EPB41L4B: variants seen among roughly 807,000 people sequenced by gnomAD.
EPB41L4B encodes the protein erythrocyte membrane protein band 4.1 like 4B.
EPB41L4B carries 30 observed loss-of-function variants against 112.5 expected under a neutral mutation model. The ratio of observed to expected loss-of-function variants is 0.27; its 90% CI spans 0.20 to 0.36. The LOEUF (loss-of-function observed/expected upper bound fraction) is 0.36, where lower values mean the gene tolerates loss of function less well. EPB41L4B is among the 10% of genes least tolerant of loss of function. The pLI, the probability that EPB41L4B is intolerant of heterozygous loss-of-function variation, is 1.00. For missense variants in EPB41L4B, 1,024 were observed against 1,133.3 expected, an observed-to-expected ratio of 0.90 and a Z score of 1.38; for synonymous variants, 408 against 439.7, an observed-to-expected ratio of 0.93 and a Z score of 0.90.
At position 109,307,295 on chromosome 9, in the gene EPB41L4B, C is replaced by A. The variant is rs745664570; in HGVS notation, c.306+12846G>T. 5 of 467,166 alleles carry A rather than the reference C, an allele frequency of 1.1e-5. No individual in the cohort carries two copies. The Admixed American group carries it at 1.3e-4, about 12-fold the overall frequency. The allele number at this position is 467,166 out of a possible 1,614,324, so 28.9% of individuals were successfully genotyped here. A position where few individuals can be genotyped will look rare whatever the true frequency, so the allele number is the denominator to read the frequency against. ...TCGCTTTTAGAATAAAGCTAAATAC[C>A]TCTGGACTTCAAAGCAAAATAAATC... is the stretch of plus-strand genomic sequence containing the variant. On this transcript the variant is annotated intron_variant, in intron 1 of 25. Transcript: ENST00000374566.
At chr9:109,245,080 T>C (rs1834502490) in intron 14 of EPB41L4B, among the ~76,000 whole-genome samples, 2 of 152,216 alleles carry the variant, frequency 1.3e-5, no homozygotes, top group South Asian at 4.1e-4. Flanking sequence ...AATACCTCAG[T>C]AGCAGGATCT....
chr9:109,174,613 G>A lies in EPB41L4B; in HGVS notation c.2644C>T (p.Leu882Phe), dbSNP rs774477871. 1.9e-6 allele frequency: 3 copies of A among 1,614,032 alleles called. No homozygotes were observed. Among genetic ancestry groups the A allele is most frequent in the South Asian group, 2.2e-5 (2 of 91,068 alleles). The change falls in exon 26 of 26, where the codon CTC (leucine) becomes TTC (phenylalanine). Residue 882 changes from leucine to phenylalanine, a missense_variant. Physicochemically the swap from Leu to Phe is conservative, Grantham distance 22. Transcript: ENST00000374566. ...PVSLAASAETLRQELEREKMM... is the reference protein window; with the variant it reads ...PVSLAASAETFRQELEREKMM... ...TTCTCTCTCTCCAGTTCCTGCCGGA[G>A]TGTCTCTGCACTAAAAAAAAGTATG...
intron 1 of EPB41L4B, among the ~76,000 whole-genome samples, chr9:109,316,447 G>A (rs1837637771): frequency 6.6e-6 from 1 of 152,210 alleles, no homozygotes; most frequent in Non-Finnish European, 1.5e-5. Flanking sequence ...GTCAACAGTG[G>A]GTGCCGCTGC....
chr9:109,192,254 G>A, intron 22 of EPB41L4B, 24 bp downstream of exon 22: 1 of 1,591,136 alleles, frequency 6.3e-7, no homozygotes, highest in East Asian at 2.2e-5. Context: ...GACTTTTCTG[G>A]TTTTAGCAAA....
At position 109,284,237 on chromosome 9, in the gene EPB41L4B, A is replaced by C. The variant is rs573751691; in HGVS notation, c.307-4316T>G. Among the ~76,000 whole-genome samples, 3 of 152,354 alleles carry C rather than the reference A, an allele frequency of 2.0e-5. No homozygotes were observed. In the East Asian group the frequency reaches 5.8e-4, roughly 29 times the overall value. On this transcript the variant is annotated intron_variant, in intron 1 of 25. Coordinates refer to ENST00000374566, the MANE Select transcript of EPB41L4B (RefSeq NM_019114.5). Reference sequence around the variant, plus strand: ...AATATCTCAGGTAATTTATTGAATAATGTACTGAAAGTGAACAACAGAATG... The same window carrying C: ...AATATCTCAGGTAATTTATTGAATACTGTACTGAAAGTGAACAACAGAATG...
At chr9:109,275,848 T>C (rs1835794762) in intron 2 of EPB41L4B, among the ~76,000 whole-genome samples, 1 of 152,024 alleles carries the variant, frequency 6.6e-6, no homozygotes, top group Non-Finnish European at 1.5e-5. Context: ...CTTGCCAAGA[T>C]CTAAGGGCTT....
intron 22 of EPB41L4B, among the ~76,000 whole-genome samples, chr9:109,186,199 C>CTT (rs374188259): frequency 6.9e-6 from 1 of 145,400 alleles, no homozygotes; most frequent in Admixed American, 6.9e-5. Flanking sequence ...TTTCATTTCC[C>CTT]TTTTTTTTTT....
chr9:109,261,927 A>G (rs1340071031), intron 6 of EPB41L4B, among the ~76,000 whole-genome samples: 2 of 152,258 alleles, frequency 1.3e-5, no homozygotes, highest in Non-Finnish European at 1.5e-5. Flanking sequence ...GTCATAATCC[A>G]TAATCCAGTA....
chr9:109,185,818 T>C (rs911522063), intron 22 of EPB41L4B, among the ~76,000 whole-genome samples: 3 of 115,608 alleles, frequency 2.6e-5, no homozygotes, highest in Non-Finnish European at 1.7e-5. Context: ...TCTCTCAGCC[T>C]TCTTTTCTCC....
chr9:109,286,307 T>C (rs1290232650), intron 1 of EPB41L4B, among the ~76,000 whole-genome samples: 1 of 152,004 alleles, frequency 6.6e-6, no homozygotes, highest in Non-Finnish European at 1.5e-5. Context: ...GAAAGAGATG[T>C]TCTGGATGAG....
rs1350150612 is a variant in EPB41L4B at position 109,207,976 on chromosome 9, T to G, written c.1826A>C (p.Lys609Thr). The change falls in exon 18 of 26, where the codon AAG (lysine) becomes ACG (threonine). Residue 609 changes from lysine to threonine, a missense_variant. Lys to Thr is a moderately conservative substitution (Grantham distance 78). Coordinates refer to ENST00000374566, the MANE Select transcript of EPB41L4B (RefSeq NM_019114.5). ...LLPSPVADHVKCNILKAQLEN... is the reference protein window; with the variant it reads ...LLPSPVADHVTCNILKAQLEN... The stretch of plus-strand genomic sequence containing the variant: ...CAACTGGGCTTTCAGAATGTTACAC[T>G]TCACATGATCCGCAACAGGGGAAGG... The G allele has an allele frequency of 6.2e-7, 1 of 1,614,166 alleles. No homozygotes were observed. Among genetic ancestry groups the G allele is most frequent in the South Asian group, 1.1e-5 (1 of 91,072 alleles).
rs1351892763 is a variant in EPB41L4B at position 109,173,797 on chromosome 9, A to G, written c.*757T>C. On this transcript the variant is annotated 3_prime_UTR_variant, in exon 26 of 26. Transcript: ENST00000374566. ...AAGAGCAAAATTTCTTCTGGTCAAG[A>G]TTCTATCAATACGACATGAATCGAT... 3 of 152,622 alleles carry G rather than the reference A, an allele frequency of 2.0e-5. No individual in the cohort carries two copies. Among genetic ancestry groups the G allele is most frequent in the African/African-American group, 7.2e-5 (3 of 41,466 alleles). 9.5% of individuals were successfully genotyped at this position (152,622 alleles called of 1,614,324 possible).
intron 20 of EPB41L4B, among the ~76,000 whole-genome samples, chr9:109,198,256 T>A (rs554415918): frequency 2.0e-5 from 3 of 152,172 alleles, no homozygotes; most frequent in Non-Finnish European, 4.4e-5. Context: ...CATTTTGCAC[T>A]CTGGGTACCC....
chr9:109,219,916 G>A (rs759875005), intron 15 of EPB41L4B, among the ~76,000 whole-genome samples: 8 of 151,972 alleles, frequency 5.3e-5, no homozygotes, highest in African/African-American at 1.2e-4. Context: ...CATCTTTTTT[G>A]GACACAGAGA....
rs768962266 is a variant in EPB41L4B, at chr9:109,279,824, T to C, written c.404A>G (p.Gln135Arg). The C allele has an allele frequency of 5.6e-6, 9 of 1,613,918 alleles. No individual in the cohort carries two copies. The highest frequency in any genetic ancestry group is 7.6e-6 in the Non-Finnish European group (9 of 1,179,866). ...YFGLQFLDSA[Q>R]VAHWLDHAKP... ...ATCAAAGCAATAACCTACCGCAACC[T>C]GGGCAGAGTCGAGGAACTGGAGGCC... The change falls in exon 2 of 26, where the codon CAG (glutamine) becomes CGG (arginine). Residue 135 changes from glutamine to arginine, a missense_variant. Physicochemically the swap from Gln to Arg is conservative, Grantham distance 43. Coordinates refer to ENST00000374566, the MANE Select transcript of EPB41L4B (RefSeq NM_019114.5).
rs549647462 is a variant in EPB41L4B at position 109,307,719 on chromosome 9, G to A, written c.306+12422C>T. Among the ~76,000 whole-genome samples, 5 of 152,304 alleles carry A rather than the reference G, an allele frequency of 3.3e-5. No homozygotes were observed. In the South Asian group the frequency reaches 1.0e-3, roughly 32 times the overall value. On this transcript the variant is annotated intron_variant, in intron 1 of 25. Transcript: ENST00000374566. ...TAACTAACCCCGGTAGGCTTTTACA[G>A]TCTACCGGCCTTCCCTGGATGATGC...
At chr9:109,263,292 C>T (rs1305638494) in intron 5 of EPB41L4B, among the ~76,000 whole-genome samples, 190 bp from the exon 6 acceptor site, 1 of 152,206 alleles carries the variant, frequency 6.6e-6, no homozygotes, top group African/African-American at 2.4e-5. Context: ...AGTCAATTCT[C>T]ATCATAGGGC....
rs546197172 is a variant in EPB41L4B, at chr9:109,219,403, C to A, written c.1410-2258G>T. 2.2e-4 allele frequency among the ~76,000 whole-genome samples: 34 copies of A among 152,296 alleles called. No individual in the cohort carries two copies. In the South Asian group the frequency reaches 7.1e-3, roughly 32 times the overall value. On this transcript the variant is annotated intron_variant, in intron 15 of 25. Transcript: ENST00000374566. ...TGAGATGGAGTCTCGCTCTGTCGCC[C>A]AGGCTAGAGTGCAGTGGCGCGATCT...
intron 15 of EPB41L4B, among the ~76,000 whole-genome samples, chr9:109,218,170 G>C (rs117067867): frequency 8.1e-6 from 1 of 123,384 alleles, no homozygotes. Flanking sequence ...CTGTTGCCCA[G>C]GTTGGAATAC....
Sources: gnomAD v4.1 joint callset for allele counts (sites outside exome capture counted in the v4.1 genomes callset) on GRCh38, gnomAD v4.1.1 for gene constraint, MANE v1.5 for transcripts, NCBI Gene and HGNC (gene_info 2026-07-23, HGNC 2026-07-21) for gene names.